SEZ6L: variants seen among roughly 807,000 people sequenced by gnomAD.
SEZ6L encodes the protein seizure 6-like protein.
SEZ6L carries 37 observed loss-of-function variants against 106.2 expected under a neutral mutation model. That is an observed-to-expected ratio of 0.35 (90% CI 0.27 to 0.46). The LOEUF (loss-of-function observed/expected upper bound fraction) is 0.46, where lower values mean the gene tolerates loss of function less well. SEZ6L is among the 20% of genes least tolerant of loss of function. The pLI is 1.00. For synonymous variants in SEZ6L, 541 were observed against 570.4 expected (o/e 0.95, Z 0.73); for missense variants, 1,172 against 1,332.8 (o/e 0.88, Z 1.88).
chr22:26,189,472 A>C (rs1940026989), intron 1 of SEZ6L, among the ~76,000 whole-genome samples: 1 of 152,262 alleles, frequency 6.6e-6, no homozygotes, highest in Admixed American at 6.5e-5. Context: ...TTCTCATCTG[A>C]GTATTCAACC....
At chr22:26,203,785 C>T (rs1941127411) in intron 1 of SEZ6L, among the ~76,000 whole-genome samples, 1 of 152,182 alleles carries the variant, frequency 6.6e-6, no homozygotes, top group African/African-American at 2.4e-5. Context: ...CACTCAAGAG[C>T]TCAAGACCTG....
intron 12 of SEZ6L, among the ~76,000 whole-genome samples, chr22:26,358,041 G>A: frequency 6.6e-6 from 1 of 152,198 alleles, no homozygotes; most frequent in East Asian, 1.9e-4. Context: ...CCTGGACAGA[G>A]CCCACAGGTG....
chr22:26,300,809 GTTGT>G (rs1460434510), intron 5 of SEZ6L, among the ~76,000 whole-genome samples: 4 of 152,048 alleles, frequency 2.6e-5, no homozygotes, highest in Non-Finnish European at 5.9e-5. Flanking sequence ...TTTTAATCAG[GTTGT>G]TTGTCTTTTT....
rs199970754 is a variant in SEZ6L at position 26,347,788 on chromosome 22, C to T, written c.2282C>T (p.Thr761Met). 4.6e-5 allele frequency: 74 copies of T among 1,609,550 alleles called. No homozygotes were observed. The highest frequency in any genetic ancestry group is 5.8e-5 in the Non-Finnish European group (68 of 1,178,450). The change falls in exon 11 of 17, where the codon ACG becomes ATG. Residue 761 changes from threonine (T) to methionine (M), a missense_variant. Coordinates refer to ENST00000248933, the MANE Select transcript of SEZ6L (RefSeq NM_021115.5). ...AATGGCTGGAAAACCACTTCTCACACGGAGTTGGTGCGGGGAGCCAGAATC... is the reference window on the plus strand; with the variant it reads ...AATGGCTGGAAAACCACTTCTCACATGGAGTTGGTGCGGGGAGCCAGAATC... ...IQNGWKTTSHTELVRGARITY... is the reference protein window; with the variant it reads ...IQNGWKTTSHMELVRGARITY...
intron 1 of SEZ6L, among the ~76,000 whole-genome samples, chr22:26,187,122 T>C (rs763713364): frequency 3.7e-4 from 56 of 152,154 alleles, no homozygotes; most frequent in Non-Finnish European, 1.2e-4. Context: ...CTGGTTAAAT[T>C]ATAAAGGAAA....
At chr22:26,333,752 C>T (rs1055646583) in intron 9 of SEZ6L, among the ~76,000 whole-genome samples, 1 of 152,086 alleles carries the variant, frequency 6.6e-6, no homozygotes, top group Non-Finnish European at 1.5e-5. Context: ...TGACTGAGCT[C>T]CATAAGGAGG....
At chr22:26,373,510 A>G in intron 14 of SEZ6L, 27 bp downstream of exon 14, 1 of 1,561,836 alleles carries the variant, frequency 6.4e-7, no homozygotes, top group Non-Finnish European at 8.7e-7. Flanking sequence ...AAAAAAAAAA[A>G]GTTCAATAAA....
chr22:26,342,811 T>G (rs563228731), intron 10 of SEZ6L, among the ~76,000 whole-genome samples: 4 of 152,358 alleles, frequency 2.6e-5, no homozygotes, highest in Non-Finnish European at 4.4e-5. Context: ...GCCAACCTAA[T>G]AATATGAATT....
At chr22:26,271,898 T>A (rs367751407) in intron 1 of SEZ6L, among the ~76,000 whole-genome samples, 2 of 152,294 alleles carry the variant, frequency 1.3e-5, no homozygotes. Context: ...GTGAAGCAAC[T>A]CATATTGCCC....
intron 14 of SEZ6L, 148 bp downstream of exon 14, chr22:26,373,631 T>A: frequency 5.7e-6 from 4 of 697,188 alleles, no homozygotes; most frequent in Non-Finnish European, 9.3e-6. Context: ...AAAATAATAT[T>A]GTAGGGGAAA....
chr22:26,171,666 C>T (rs938711127), intron 1 of SEZ6L, among the ~76,000 whole-genome samples: 17 of 152,274 alleles, frequency 1.1e-4, no homozygotes, highest in African/African-American at 4.1e-4. Flanking sequence ...TCCAACTGCT[C>T]AACACCATGG....
chr22:26,302,378 C>G (rs1167305981), intron 5 of SEZ6L, among the ~76,000 whole-genome samples: 1 of 152,206 alleles, frequency 6.6e-6, no homozygotes, highest in African/African-American at 2.4e-5. Context: ...ACAGCCTTGG[C>G]CATCTTCAGC....
At chr22:26,312,664 G>A (rs895209414) in intron 8 of SEZ6L, among the ~76,000 whole-genome samples, 2 of 152,244 alleles carry the variant, frequency 1.3e-5, no homozygotes, top group Non-Finnish European at 1.5e-5. Flanking sequence ...TCCGCTTCCC[G>A]GGTTCAAGCG....
intron 1 of SEZ6L, among the ~76,000 whole-genome samples, chr22:26,213,326 G>A (rs1276317007): frequency 7.2e-6 from 1 of 139,766 alleles, no homozygotes; most frequent in South Asian, 2.4e-4. Context: ...TCCAGACACC[G>A]GCTGGGTGGT....
At position 26,246,886 on chromosome 22, in the gene SEZ6L, G is replaced by A. The variant is rs113004300; in HGVS notation, c.95-45520G>A. On this transcript the variant is annotated intron_variant, in intron 1 of 16. Coordinates refer to ENST00000248933, the MANE Select transcript of SEZ6L (RefSeq NM_021115.5). Reference sequence around the variant, plus strand: ...TTCTAATGCATTTCCTTATGGCACCGTCTGGGTCTCAATGTTTCTGTCAGA... The same window carrying A: ...TTCTAATGCATTTCCTTATGGCACCATCTGGGTCTCAATGTTTCTGTCAGA... Among the ~76,000 whole-genome samples the A allele has an allele frequency of 8.6e-3, 1,312 of 152,230 alleles. 11 individuals are homozygous for A. The highest frequency in any genetic ancestry group is 0.03 in the African/African-American group (1,257 of 41,532).
At chr22:26,324,370 T>A (rs2082248373) in intron 9 of SEZ6L, among the ~76,000 whole-genome samples, 1 of 152,168 alleles carries the variant, frequency 6.6e-6, no homozygotes, top group South Asian at 2.1e-4. Context: ...AAGGGCCTAA[T>A]AACAAACCCA....
intron 1 of SEZ6L, among the ~76,000 whole-genome samples, chr22:26,235,805 A>T (rs752099107): frequency 6.6e-6 from 1 of 152,216 alleles, no homozygotes; most frequent in Non-Finnish European, 1.5e-5. Context: ...CTCTCCAGTC[A>T]TTGAGAAGAG....
intron 1 of SEZ6L, among the ~76,000 whole-genome samples, chr22:26,213,388 C>T (rs930685411): frequency 1.3e-5 from 2 of 152,166 alleles, no homozygotes; most frequent in Admixed American, 6.5e-5. Flanking sequence ...ACGTGCAGAG[C>T]GGAAATACTG....
rs114478081 is a variant in SEZ6L, at chr22:26,180,159, C to T, written c.94+10396C>T. Among the ~76,000 whole-genome samples, 569 of 152,294 alleles carry T rather than the reference C, an allele frequency of 3.7e-3. 4 individuals are homozygous for T. Among genetic ancestry groups the T allele is most frequent in the African/African-American group, 0.012 (505 of 41,548 alleles). ...CATGCCATGTGACACAAAACCATAC[C>T]TTGGGATACAGCAATCGCCACTGAT... is the stretch of plus-strand genomic sequence containing the variant. On this transcript the variant is annotated intron_variant, in intron 1 of 16. Transcript: ENST00000248933.
Sources: gnomAD v4.1 joint callset for allele counts (sites outside exome capture counted in the v4.1 genomes callset) on GRCh38, gnomAD v4.1.1 for gene constraint, MANE v1.5 for transcripts, NCBI Gene and HGNC (gene_info 2026-07-23, HGNC 2026-07-21) for gene names.